The following NRXN3 variants were observed in gnomAD, a reference collection of about 807,000 sequenced individuals.
NRXN3 encodes neurexin III.
In NRXN3, 32 loss-of-function variants were observed where a neutral mutation model predicts 137.6. The observed-to-expected ratio is 0.23, with a 90% CI of 0.18 to 0.31. NRXN3 has a LOEUF of 0.31. Among genes scored for constraint, NRXN3 ranks in the 10% least tolerant of loss-of-function variants. The pLI, the probability that NRXN3 is intolerant of heterozygous loss-of-function variation, is 1.00. For synonymous variants in NRXN3, 798 were observed against 784.5 expected, an observed-to-expected ratio of 1.02 and a Z score of -0.29; for missense variants, 1,574 against 2,062.5, an observed-to-expected ratio of 0.76 and a Z score of 4.59.
chr14:78,589,468 C>T (rs923943459), intron 4 of NRXN3, among the ~76,000 whole-genome samples: 2 of 152,212 alleles, frequency 1.3e-5, no homozygotes, highest in Non-Finnish European at 1.5e-5. Flanking sequence ...ATCCTATCCC[C>T]TCTTCAAAGC....
intron 4 of NRXN3, among the ~76,000 whole-genome samples, chr14:78,423,784 C>T (rs1249108546): frequency 6.6e-6 from 1 of 152,158 alleles, no homozygotes; most frequent in African/African-American, 2.4e-5. Context: ...ATTAAGTGTC[C>T]TTTAATGCCC....
chr14:78,865,608 A>G (rs2099084757), intron 10 of NRXN3, among the ~76,000 whole-genome samples: 1 of 152,188 alleles, frequency 6.6e-6, no homozygotes, highest in Non-Finnish European at 1.5e-5. Context: ...AGAAAACTAG[A>G]TTTATACATT....
At chr14:78,313,027 C>T (rs2078156429) in intron 4 of NRXN3, among the ~76,000 whole-genome samples, 2 of 152,144 alleles carry the variant, frequency 1.3e-5, no homozygotes, top group African/African-American at 4.8e-5. Flanking sequence ...GTGAAATCAG[C>T]TACTGTAGAA....
chr14:78,797,696 C>T (rs4903804), intron 8 of NRXN3, among the ~76,000 whole-genome samples: 145,256 of 152,112 alleles, frequency 0.95, 69,698 homozygotes, highest in East Asian at 1. Flanking sequence ...CTCATACTAC[C>T]GATAAAGGCA....
At chr14:79,273,698 A>G (rs1214369220) in intron 15 of NRXN3, among the ~76,000 whole-genome samples, 1 of 152,116 alleles carries the variant, frequency 6.6e-6, no homozygotes, top group Non-Finnish European at 1.5e-5. Context: ...GTCGGGTACT[A>G]TTTCTAGACA....
chr14:78,857,822 CAAA>C (rs1396883718), intron 10 of NRXN3, among the ~76,000 whole-genome samples: 1 of 151,926 alleles, frequency 6.6e-6, no homozygotes, highest in Non-Finnish European at 1.5e-5. Flanking sequence ...GGAAAACAAT[CAAA>C]GAAATATCAA....
In NRXN3 at chr14:79,800,564, C is replaced by T. The variant is rs144243630; in HGVS notation, c.4015-4548C>T. Among the ~76,000 whole-genome samples, 625 of 152,222 alleles carry T rather than the reference C, an allele frequency of 4.1e-3. 1 individual carries two copies. The highest frequency in any genetic ancestry group is 0.01 in the Middle Eastern group (3 of 294). ...AAATACACAGACATGCAGCCTAAGG[C>T]TACCACATTTTATTAAAAGGCAGAG... On this transcript the variant is annotated intron_variant, in intron 19 of 20. Transcript: ENST00000335750.
chr14:78,607,658 T>G (rs1308584383), intron 4 of NRXN3, among the ~76,000 whole-genome samples: 1 of 152,228 alleles, frequency 6.6e-6, no homozygotes, highest in Non-Finnish European at 1.5e-5. Context: ...TGAGATTTAT[T>G]CCTACCAAAT....
intron 4 of NRXN3, among the ~76,000 whole-genome samples, chr14:78,469,756 C>G (rs915359204): frequency 7.9e-5 from 12 of 152,176 alleles, no homozygotes; most frequent in Non-Finnish European, 1.3e-4. Flanking sequence ...TTGTCCCATT[C>G]AAACCGAGCT....
intron 15 of NRXN3, among the ~76,000 whole-genome samples, chr14:79,042,290 T>G (rs1163379729): frequency 6.6e-6 from 1 of 152,212 alleles, no homozygotes; most frequent in African/African-American, 2.4e-5. Context: ...TTTTCTCCAT[T>G]AAGCAGTAAA....
intron 15 of NRXN3, among the ~76,000 whole-genome samples, chr14:79,021,124 T>C (rs2099588972): frequency 1.3e-5 from 2 of 151,914 alleles, no homozygotes; most frequent in Non-Finnish European, 2.9e-5. Flanking sequence ...AGGGACTATG[T>C]TGGACACTTG....
intron 5 of NRXN3, among the ~76,000 whole-genome samples, chr14:78,646,244 T>C (rs2097686780): frequency 6.6e-6 from 1 of 152,200 alleles, no homozygotes; most frequent in Non-Finnish European, 1.5e-5. Flanking sequence ...ATTTCATGAC[T>C]AATAATAATG....
intron 1 of NRXN3, among the ~76,000 whole-genome samples, chr14:78,214,964 G>C (rs1263507949): frequency 6.6e-6 from 1 of 152,178 alleles, no homozygotes; most frequent in African/African-American, 2.4e-5. Flanking sequence ...CCATTAACCT[G>C]TAGGACTCTT....
chr14:78,741,780 G>A (rs1192840614), intron 8 of NRXN3, among the ~76,000 whole-genome samples: 1 of 152,106 alleles, frequency 6.6e-6, no homozygotes, highest in East Asian at 1.9e-4. Flanking sequence ...TATTCATCTT[G>A]TATAACCAAA....
intron 8 of NRXN3, among the ~76,000 whole-genome samples, chr14:78,761,959 A>C (rs1294709847): frequency 6.6e-6 from 1 of 152,164 alleles, no homozygotes; most frequent in Non-Finnish European, 1.5e-5. Flanking sequence ...TGTATCAAGC[A>C]GGGTGTTATT....
At chr14:78,790,768 C>T (rs926509506) in intron 8 of NRXN3, among the ~76,000 whole-genome samples, 1 of 152,118 alleles carries the variant, frequency 6.6e-6, no homozygotes, top group African/African-American at 2.4e-5. Context: ...AGGAGAGTGT[C>T]TTCTTTTCAC....
intron 8 of NRXN3, among the ~76,000 whole-genome samples, chr14:78,742,903 A>C (rs991861065): frequency 2.6e-5 from 4 of 152,230 alleles, no homozygotes; most frequent in African/African-American, 9.6e-5. Flanking sequence ...CAGCTTAGTT[A>C]AATAAACTCA....
intron 20 of NRXN3, among the ~76,000 whole-genome samples, chr14:79,860,838 G>A (rs1014514350): frequency 9.9e-5 from 15 of 151,990 alleles, no homozygotes; most frequent in African/African-American, 3.4e-4. Context: ...AAAAATCTAA[G>A]CCCCTGATCT....
chr14:78,532,348 G>GAAAAGA (rs1555354233), intron 4 of NRXN3, among the ~76,000 whole-genome samples: 1 of 145,732 alleles, frequency 6.9e-6, no homozygotes, highest in East Asian at 2.1e-4. Context: ...GAAAAGAAAA[G>GAAAAGA]AAAAGAAAAA....
Sources: gnomAD v4.1 joint callset for allele counts (sites outside exome capture counted in the v4.1 genomes callset) on GRCh38, gnomAD v4.1.1 for gene constraint, MANE v1.5 for transcripts, NCBI Gene and HGNC (gene_info 2026-07-23, HGNC 2026-07-21) for gene names.